Variants in DCC observed in about 807,000 individuals in gnomAD.
DCC encodes DCC netrin 1 receptor.
In DCC, 58 loss-of-function variants were observed where a neutral mutation model predicts 172.5. The observed-to-expected ratio is 0.34, with a 90% CI of 0.27 to 0.42. DCC has a LOEUF of 0.42. DCC is among the 10% of genes least tolerant of loss of function. The pLI is 1.00. For synonymous variants in DCC, 709 were observed against 644.5 expected, an observed-to-expected ratio of 1.10 and a Z score of -1.52; for missense variants, 1,740 against 1,791.0, an observed-to-expected ratio of 0.97 and a Z score of 0.51.
chr18:53,242,467 G>C (rs1313753636), intron 12 of DCC, among the ~76,000 whole-genome samples: 1 of 152,070 alleles, frequency 6.6e-6, no homozygotes, highest in Admixed American at 6.6e-5. Context: ...AGTTGAAGAG[G>C]GGGTAAATAT....
chr18:52,810,918 T>C (rs2038184822), intron 2 of DCC, among the ~76,000 whole-genome samples: 1 of 152,088 alleles, frequency 6.6e-6, no homozygotes, highest in South Asian at 2.1e-4. Flanking sequence ...ACTCCTGTAC[T>C]CTTGAGAGGG....
At chr18:52,661,975 A>G (rs563542733) in intron 1 of DCC, among the ~76,000 whole-genome samples, 62 of 152,352 alleles carry the variant, frequency 4.1e-4, no homozygotes, top group Admixed American at 6.5e-4. Context: ...GGAATAAAAA[A>G]CACAGTAGAA....
At chr18:52,932,105 T>A (rs2040315341) in intron 5 of DCC, among the ~76,000 whole-genome samples, 1 of 152,070 alleles carries the variant, frequency 6.6e-6, no homozygotes, top group South Asian at 2.1e-4. Flanking sequence ...GGAATATTGT[T>A]GTCAACTTTT....
chr18:53,323,783 A>G (rs990739052), intron 14 of DCC, among the ~76,000 whole-genome samples: 1 of 152,134 alleles, frequency 6.6e-6, no homozygotes, highest in Non-Finnish European at 1.5e-5. Context: ...AATAAGAATT[A>G]GGTATGCAAA....
At chr18:53,300,067 C>T (rs138982524) in intron 12 of DCC, among the ~76,000 whole-genome samples, 1,884 of 152,176 alleles carry the variant, frequency 0.012, 24 homozygotes, top group Middle Eastern at 0.027. Flanking sequence ...GATCTCAGTG[C>T]GATAGTATTT....
At chr18:52,945,726 A>G (rs1028045303) in intron 5 of DCC, among the ~76,000 whole-genome samples, 4 of 151,992 alleles carry the variant, frequency 2.6e-5, no homozygotes, top group Non-Finnish European at 5.9e-5. Context: ...TGTGCAGTGC[A>G]CAAGCTGACA....
chr18:53,222,383 C>CTTTTTTTTTTTTTTTTTTTTTTT (rs67373546), intron 12 of DCC, among the ~76,000 whole-genome samples: 1 of 104,216 alleles, frequency 9.6e-6, no homozygotes, highest in African/African-American at 4.2e-5. Flanking sequence ...TTTCTTTTTT[C>CTTTTTTTTTTTTTTTTTTTTTTT]TTTTTTTTTT....
At chr18:52,645,644 A>T (rs2035004150) in intron 1 of DCC, among the ~76,000 whole-genome samples, 1 of 152,218 alleles carries the variant, frequency 6.6e-6, no homozygotes, top group South Asian at 2.1e-4. Context: ...CATAAAGAAT[A>T]AAAACAAAAG....
At chr18:52,469,902 A>G (rs1198014696) in intron 1 of DCC, among the ~76,000 whole-genome samples, 1 of 152,174 alleles carries the variant, frequency 6.6e-6, no homozygotes, top group Non-Finnish European at 1.5e-5. Flanking sequence ...GAGCATACAG[A>G]TTTGAGGAGA....
chr18:52,673,294 A>T (rs2035586932), intron 1 of DCC, among the ~76,000 whole-genome samples: 1 of 152,094 alleles, frequency 6.6e-6, no homozygotes, highest in Admixed American at 6.6e-5. Flanking sequence ...AGAATGTCAC[A>T]TTTCATTTAG....
chr18:52,380,083 G>A (rs975904259), intron 1 of DCC, among the ~76,000 whole-genome samples: 1 of 152,002 alleles, frequency 6.6e-6, no homozygotes, highest in African/African-American at 2.4e-5. Context: ...ACACATGGAA[G>A]AAGATGAAAA....
intron 15 of DCC, among the ~76,000 whole-genome samples, chr18:53,375,616 C>CTTTTT (rs1555660824): frequency 2.4e-5 from 3 of 123,078 alleles, no homozygotes; most frequent in African/African-American, 3.5e-5. Context: ...ATATTTAATT[C>CTTTTT]TTTTTTTTTT....
chr18:53,115,285 C>A (rs976954183), intron 7 of DCC, among the ~76,000 whole-genome samples: 3 of 151,478 alleles, frequency 2.0e-5, no homozygotes, highest in African/African-American at 7.3e-5. Context: ...AAGAAATACA[C>A]ACAAAATAAA....
intron 2 of DCC, among the ~76,000 whole-genome samples, chr18:52,804,839 C>T (rs2038058492): frequency 1.3e-5 from 2 of 152,184 alleles, no homozygotes; most frequent in Admixed American, 1.3e-4. Flanking sequence ...ACCTTGGCCT[C>T]CCAAAGTGCT....
intron 1 of DCC, among the ~76,000 whole-genome samples, chr18:52,450,304 A>T (rs1988261193): frequency 6.6e-6 from 1 of 152,194 alleles, no homozygotes; most frequent in African/African-American, 2.4e-5. Context: ...TGCTGCTTTC[A>T]TTAATAATTT....
chr18:52,519,726 A>G (rs545815672), intron 1 of DCC, among the ~76,000 whole-genome samples: 21 of 152,324 alleles, frequency 1.4e-4, no homozygotes, highest in Admixed American at 6.5e-5. Context: ...GGCCATGACT[A>G]TGTAATGTGG....
intron 1 of DCC, among the ~76,000 whole-genome samples, chr18:52,706,207 C>A (rs2036209029): frequency 6.6e-6 from 1 of 152,132 alleles, no homozygotes; most frequent in African/African-American, 2.4e-5. Flanking sequence ...AAAAAGAACT[C>A]ATTGAACCTT....
chr18:53,461,156 C>T (rs1360337199), intron 24 of DCC, among the ~76,000 whole-genome samples: 3 of 152,176 alleles, frequency 2.0e-5, no homozygotes, highest in South Asian at 2.1e-4. Context: ...AATTTGTTTG[C>T]GTTCATTGTA....
intron 5 of DCC, among the ~76,000 whole-genome samples, chr18:53,015,085 A>G (rs182027619): frequency 6.6e-6 from 1 of 152,306 alleles, no homozygotes; most frequent in East Asian, 1.9e-4. Context: ...GAGAGAAGGA[A>G]TGTCAACAAT....
Sources: gnomAD v4.1 joint callset for allele counts (sites outside exome capture counted in the v4.1 genomes callset) on GRCh38, gnomAD v4.1.1 for gene constraint, MANE v1.5 for transcripts, NCBI Gene and HGNC (gene_info 2026-07-23, HGNC 2026-07-21) for gene names.